Variants in ECPAS observed in about 807,000 individuals in gnomAD.
ECPAS encodes the protein proteasome adapter and scaffold protein ECM29.
ECPAS carries 70 observed loss-of-function variants against 255.1 expected under a neutral mutation model. The ratio of observed to expected loss-of-function variants is 0.27; its 90% CI spans 0.23 to 0.33. ECPAS has a LOEUF of 0.33. Ranked by LOEUF, ECPAS falls within the 10% of genes least tolerant of loss-of-function variation. The pLI, the probability that ECPAS is intolerant of heterozygous loss-of-function variation, is 1.00. For synonymous variants in ECPAS, 784 were observed against 775.0 expected, an observed-to-expected ratio of 1.01 and a Z score of -0.19; for missense variants, 1,817 against 2,206.4, an observed-to-expected ratio of 0.82 and a Z score of 3.54.
chr9:111,368,000 ACTCCAGC>A (rs922854158), intron 46 of ECPAS, among the ~76,000 whole-genome samples: 9 of 151,246 alleles, frequency 6.0e-5, no homozygotes, highest in African/African-American at 2.2e-4. Flanking sequence ...GCACCACTGC[ACTCCAGC>A]CTGGGCAACA....
chr9:111,451,388 C>T (rs373143207), intron 3 of ECPAS, 37 bp downstream of exon 3: 1 of 1,540,640 alleles, frequency 6.5e-7, no homozygotes, highest in South Asian at 1.2e-5. Flanking sequence ...TTCATTTATT[C>T]ATCATTTAAT....
chr9:111,454,132 T>C (rs1278980456), intron 2 of ECPAS, among the ~76,000 whole-genome samples: 2 of 152,064 alleles, frequency 1.3e-5, no homozygotes, highest in Non-Finnish European at 2.9e-5. Flanking sequence ...TTTGCAGAAG[T>C]TACAGGTAAA....
At chr9:111,426,583 T>C (rs1268249623) in intron 10 of ECPAS, among the ~76,000 whole-genome samples, 5 of 151,608 alleles carry the variant, frequency 3.3e-5, no homozygotes, top group African/African-American at 1.2e-4. Flanking sequence ...TAGCCAAGCA[T>C]GGTGGCTCAC....
chr9:111,446,976 A>C (rs1035564377), intron 3 of ECPAS, among the ~76,000 whole-genome samples: 6 of 152,202 alleles, frequency 3.9e-5, no homozygotes, highest in African/African-American at 1.4e-4. Context: ...AAGAGAAAAC[A>C]ATCAGGAGGA....
rs748622617 is a variant in ECPAS, at chr9:111,420,013, T to G, written c.1559+4A>C. 6.3e-7 allele frequency: 1 copy of G among 1,599,496 alleles called. No homozygotes were observed. Among genetic ancestry groups the G allele is most frequent in the Non-Finnish European group, 8.6e-7 (1 of 1,167,060 alleles). On this transcript the variant is annotated splice_donor_region_variant and intron_variant, in intron 16 of 49. Coordinates refer to ENST00000684092, the MANE Select transcript of ECPAS (RefSeq NM_001364929.1). ...AATTCAAATTAACACCTTTTGAAAC[T>G]TACGGATCTCCTGCAGCCAGTAGCA... is the stretch of plus-strand genomic sequence containing the variant.
intron 25 of ECPAS, among the ~76,000 whole-genome samples, chr9:111,395,426 A>G (rs780357309): frequency 6.6e-6 from 1 of 152,220 alleles, no homozygotes; most frequent in African/African-American, 2.4e-5. Context: ...TAGAACACGC[A>G]TGATCAAAAT....
Position 111,363,619 on chromosome 9 carries a change from A to C in ECPAS, c.5349T>G (p.Ser1783=), listed in dbSNP as rs1436105725. Residue 1783 remains serine, a synonymous_variant, in exon 49 of 50, where the codon TCT becomes TCG. Transcript: ENST00000684092. ...TYSSVRTEAL[S]VIELLLKKLE... Reference sequence around the variant, plus strand: ...GTTTTTTAAGCAGCAATTCTATCACAGATAAAGCTTCTGTTCTCACAGATG... The same window carrying C: ...GTTTTTTAAGCAGCAATTCTATCACCGATAAAGCTTCTGTTCTCACAGATG... 1 of 1,578,548 alleles carries C rather than the reference A, an allele frequency of 6.3e-7. No homozygotes were observed. The highest frequency in any genetic ancestry group is 1.8e-5 in the Admixed American group (1 of 55,184).
At chr9:111,470,629 C>A (rs1589237329) in intron 2 of ECPAS, among the ~76,000 whole-genome samples, 1 of 152,094 alleles carries the variant, frequency 6.6e-6, no homozygotes, top group Non-Finnish European at 1.5e-5. Flanking sequence ...TGATTCCAGG[C>A]TACTTCAAAC....
chr9:111,452,771 G>A (rs995001947), intron 2 of ECPAS, among the ~76,000 whole-genome samples: 1 of 152,234 alleles, frequency 6.6e-6, no homozygotes, highest in South Asian at 2.1e-4. Flanking sequence ...ATCCTGAGAG[G>A]GGCAGAAGCA....
intron 1 of ECPAS, among the ~76,000 whole-genome samples, chr9:111,482,385 A>G (rs1016933832): frequency 2.0e-5 from 3 of 152,248 alleles, no homozygotes; most frequent in South Asian, 2.1e-4. Context: ...TAAAACAAGG[A>G]TAATTCCTAC....
rs1157711427 is a variant in ECPAS, at chr9:111,457,653, G to GT, written c.23-6099dup. ...GGAGAGCAGAGGGCAAGTGGGCAGC[G>GT]TGACAATGGTAGGAAAAGGCTTGCC... On this transcript the variant is annotated intron_variant, in intron 2 of 49. Transcript: ENST00000684092. Among the ~76,000 whole-genome samples, 5 of 152,164 alleles carry GT rather than the reference G, an allele frequency of 3.3e-5. No individual in the cohort carries two copies. In the East Asian group the frequency reaches 9.6e-4, roughly 29 times the overall value.
intron 2 of ECPAS, among the ~76,000 whole-genome samples, chr9:111,458,309 T>C (rs1481984407): frequency 6.6e-6 from 1 of 152,218 alleles, no homozygotes; most frequent in Admixed American, 6.5e-5. Flanking sequence ...TGAAACATTA[T>C]ATAATGTTAT....
chr9:111,414,217 G>T (rs1411877107), intron 19 of ECPAS, among the ~76,000 whole-genome samples: 2 of 151,920 alleles, frequency 1.3e-5, no homozygotes, highest in African/African-American at 4.8e-5. Context: ...ATCCACTTCC[G>T]AAGTAAAAAT....
In ECPAS at chr9:111,370,724, G is replaced by A; in HGVS notation, c.4779C>T (p.Cys1593=). The change falls in exon 44 of 50, where the codon TGC becomes TGT. Residue 1593 remains cysteine, a splice_region_variant and synonymous_variant. Transcript: ENST00000684092. ...ATCTTCATTGAAAGAACATTTACCT[G>A]CAAGCTGTCACCACACAGGCAATGG... ...LKAIACVVTA[C]SAELEKSVPN... is the part of the protein sequence containing the mutation. The A allele has an allele frequency of 6.2e-7, 1 of 1,607,624 alleles. No homozygotes were observed. The highest frequency in any genetic ancestry group is 1.1e-5 in the South Asian group (1 of 89,672).
At chr9:111,392,619 C>T in intron 28 of ECPAS, 149 bp downstream of exon 28, 1 of 595,934 alleles carries the variant, frequency 1.7e-6, no homozygotes, top group East Asian at 2.8e-5. Flanking sequence ...ATTGTGCTAT[C>T]CACAGCACAA....
At chr9:111,388,668 G>T (rs1311566195) in intron 31 of ECPAS, among the ~76,000 whole-genome samples, 1 of 150,202 alleles carries the variant, frequency 6.7e-6, no homozygotes, top group Non-Finnish European at 1.5e-5. Flanking sequence ...CGGCAAAGAG[G>T]AAAAAAAAAG....
At chr9:111,466,612 T>TAAATACACA (rs1205617705) in intron 2 of ECPAS, among the ~76,000 whole-genome samples, 17 of 121,284 alleles carry the variant, frequency 1.4e-4, no homozygotes, top group Admixed American at 3.8e-4. Context: ...TATAAATAAC[T>TAAATACACA]AAATACACAC....
At chr9:111,382,331 C>G (rs2098141666) in intron 35 of ECPAS, among the ~76,000 whole-genome samples, 1 of 140,442 alleles carries the variant, frequency 7.1e-6, no homozygotes, top group African/African-American at 2.7e-5. Flanking sequence ...ATGGCGCAAT[C>G]TGGGCTCACC....
intron 24 of ECPAS, among the ~76,000 whole-genome samples, chr9:111,403,862 A>G (rs1208474768): frequency 6.7e-6 from 1 of 149,904 alleles, no homozygotes; most frequent in Non-Finnish European, 1.5e-5. Flanking sequence ...GTTAGACCAC[A>G]AAGCAAGTCT....
Sources: gnomAD v4.1 joint callset for allele counts (sites outside exome capture counted in the v4.1 genomes callset) on GRCh38, gnomAD v4.1.1 for gene constraint, MANE v1.5 for transcripts, NCBI Gene and HGNC (gene_info 2026-07-23, HGNC 2026-07-21) for gene names.